TPH2: variants seen among roughly 807,000 people sequenced by gnomAD.
The protein encoded by TPH2 is tryptophan 5-hydroxylase 2.
A neutral mutation model predicts 59.1 loss-of-function variants in TPH2; 27 were observed. The observed-to-expected ratio is 0.46, with a 90% CI of 0.34 to 0.63. TPH2 has a LOEUF of 0.63. Ranked by LOEUF, TPH2 falls within the 30% of genes least tolerant of loss-of-function variation. The pLI is 0.01. For missense variants in TPH2, 523 were observed against 588.3 expected, an observed-to-expected ratio of 0.89 and a Z score of 1.15; for synonymous variants, 220 against 210.5, an observed-to-expected ratio of 1.05 and a Z score of -0.39.
At chr12:71,996,965 A>G (rs1872708095) in intron 8 of TPH2, among the ~76,000 whole-genome samples, 2 of 146,490 alleles carry the variant, frequency 1.4e-5, no homozygotes, top group Non-Finnish European at 3.1e-5. Context: ...GATAGTTTGT[A>G]CTGAATCTTT....
At chr12:71,942,730 T>C (rs546478323) in intron 2 of TPH2, among the ~76,000 whole-genome samples, 1 of 152,334 alleles carries the variant, frequency 6.6e-6, no homozygotes, top group South Asian at 2.1e-4. Context: ...TCTATGATGA[T>C]CATAGCAGGG....
chr12:71,977,484 C>T (rs534525158), intron 6 of TPH2, among the ~76,000 whole-genome samples: 21 of 152,198 alleles, frequency 1.4e-4, no homozygotes, highest in South Asian at 1.0e-3. Context: ...CACACGCACA[C>T]GCATGTGCAC....
chr12:72,005,500 C>T (rs1216608995), intron 8 of TPH2, among the ~76,000 whole-genome samples: 1 of 152,148 alleles, frequency 6.6e-6, no homozygotes, highest in East Asian at 1.9e-4. Flanking sequence ...ATATAGTCTT[C>T]TAGCTTTTCT....
intron 5 of TPH2, among the ~76,000 whole-genome samples, chr12:71,965,665 C>A (rs1442185352): frequency 1.3e-5 from 2 of 152,072 alleles, no homozygotes; most frequent in African/African-American, 4.8e-5. Flanking sequence ...TACTTTTGCA[C>A]CAATTTAATA....
intron 8 of TPH2, among the ~76,000 whole-genome samples, chr12:72,021,135 T>G (rs2139244011): frequency 6.6e-6 from 1 of 152,332 alleles, no homozygotes; most frequent in Non-Finnish European, 1.5e-5. Context: ...TTTTTATTGC[T>G]TGTTGTCAGC....
chr12:71,941,855 A>G, intron 2 of TPH2, 122 bp downstream of exon 2: 2 of 1,154,064 alleles, frequency 1.7e-6, no homozygotes, highest in Non-Finnish European at 2.6e-6. Flanking sequence ...ATTCAAAGGA[A>G]CCAAACTTCG....
At chr12:71,996,615 C>T (rs17110627) in intron 8 of TPH2, among the ~76,000 whole-genome samples, 31,367 of 151,982 alleles carry the variant, frequency 0.21, 3,601 homozygotes, top group East Asian at 0.36. Context: ...ACTTGTCTGA[C>T]CTTGAATAGC....
chr12:72,010,852 A>G lies in TPH2; in HGVS notation c.1069-11547A>G, dbSNP rs959030146. On this transcript the variant is annotated intron_variant, in intron 8 of 10. Coordinates refer to ENST00000333850, the MANE Select transcript of TPH2 (RefSeq NM_173353.4). ...GGGAGAATGTGTGATTTGATGCAGA[A>G]CATTTTAGGGCATGCCAAAGGATGA... Among the ~76,000 whole-genome samples the G allele has an allele frequency of 3.3e-5, 5 of 152,188 alleles. No homozygotes were observed. The South Asian group carries it at 8.3e-4, about 25-fold the overall frequency.
At chr12:72,004,047 T>A (rs1432933827) in intron 8 of TPH2, among the ~76,000 whole-genome samples, 1 of 138,866 alleles carries the variant, frequency 7.2e-6, no homozygotes, top group Admixed American at 7.9e-5. Context: ...ATTTTATCCA[T>A]GCAGAAGCAC....
At chr12:71,971,710 T>A (rs1193600633) in intron 5 of TPH2, among the ~76,000 whole-genome samples, 1 of 152,220 alleles carries the variant, frequency 6.6e-6, no homozygotes, top group Admixed American at 6.5e-5. Flanking sequence ...GGTGTCTCAA[T>A]ATTCTAAACC....
chr12:71,959,435 G>A (rs924591019), intron 5 of TPH2, among the ~76,000 whole-genome samples: 1 of 152,242 alleles, frequency 6.6e-6, no homozygotes, highest in Admixed American at 6.5e-5. Flanking sequence ...TTCTCCACTT[G>A]CAGGTAGCTG....
Position 72,031,697 on chromosome 12 carries a change from G to A in TPH2, c.*2G>A. ...ATGAACCAATATCTGGGGATTTGAT[G>A]CCTGGAACTATGTTGTTGCCAGCAT... On this transcript the variant is annotated 3_prime_UTR_variant, in exon 11 of 11. Coordinates refer to ENST00000333850, the MANE Select transcript of TPH2 (RefSeq NM_173353.4). The A allele has an allele frequency of 1.2e-6, 2 of 1,613,320 alleles. No homozygotes were observed. Among genetic ancestry groups the A allele is most frequent in the Non-Finnish European group, 1.7e-6 (2 of 1,179,338 alleles).
rs901656735 is a variant in TPH2, at chr12:72,009,752, T to C, written c.1069-12647T>C. ...TGCCCCAGGGCAGGACATGGCAGAA[T>C]GGCTGCAGGAAAGCTAGACAGACCC... On this transcript the variant is annotated intron_variant, in intron 8 of 10. Transcript: ENST00000333850. 3.9e-5 allele frequency among the ~76,000 whole-genome samples: 6 copies of C among 152,348 alleles called. No individual in the cohort carries two copies. The East Asian group carries it at 9.7e-4, about 25-fold the overall frequency.
chr12:71,989,092 G>A (rs1159104275), intron 7 of TPH2, among the ~76,000 whole-genome samples: 1 of 118,774 alleles, frequency 8.4e-6, no homozygotes, highest in Admixed American at 1.1e-4. Flanking sequence ...CCAGGTTCCT[G>A]GCTTTATTAA....
chr12:71,978,188 A>G (rs534790765), intron 6 of TPH2, among the ~76,000 whole-genome samples: 6 of 151,990 alleles, frequency 3.9e-5, no homozygotes, highest in Admixed American at 3.3e-4. Context: ...GCACGACTCT[A>G]TACAACATTT....
At chr12:71,950,530 C>T (rs1871317034) in intron 5 of TPH2, among the ~76,000 whole-genome samples, 1 of 152,106 alleles carries the variant, frequency 6.6e-6, no homozygotes, top group African/African-American at 2.4e-5. Context: ...ATGTTGACTG[C>T]AGGCCATGTT....
At chr12:72,008,667 G>A (rs1359094190) in intron 8 of TPH2, among the ~76,000 whole-genome samples, 1 of 152,140 alleles carries the variant, frequency 6.6e-6, no homozygotes, top group Non-Finnish European at 1.5e-5. Context: ...GGGAGGCTCA[G>A]ACAAATTAAA....
At chr12:71,979,464 A>C (rs2139208900) in intron 7 of TPH2, among the ~76,000 whole-genome samples, 1 of 152,310 alleles carries the variant, frequency 6.6e-6, no homozygotes, top group South Asian at 2.1e-4. Context: ...TCATGTACAC[A>C]CACCATAGCA....
chr12:71,938,929 G>C lies in TPH2; in HGVS notation c.-58G>C, dbSNP rs1326974133. The C allele has an allele frequency of 7.0e-7, 1 of 1,431,022 alleles. No homozygotes were observed. The highest frequency in any genetic ancestry group is 1.1e-5 in the South Asian group (1 of 87,424). 88.6% of individuals were successfully genotyped at this position (1,431,022 alleles called of 1,614,324 possible). ...CCCCTTCCTCTCAATCTCCGCCAGCGCTGCTACTGCCCCTCTAGTACCCCC... is the reference window on the plus strand; with the variant it reads ...CCCCTTCCTCTCAATCTCCGCCAGCCCTGCTACTGCCCCTCTAGTACCCCC... On this transcript the variant is annotated 5_prime_UTR_variant, in exon 1 of 11. Transcript: ENST00000333850.
Sources: allele counts gnomAD v4.1 joint callset (sites outside exome capture counted in the v4.1 genomes callset), GRCh38; gene constraint gnomAD v4.1.1; transcripts MANE v1.5; gene names NCBI Gene and HGNC (gene_info 2026-07-23, HGNC 2026-07-21).